SASH1: variants seen among roughly 807,000 people sequenced by gnomAD.
SASH1 encodes the protein SAM and SH3 domain containing 1, also known as SAM and SH3 domain-containing protein 1.
SASH1 carries 44 observed loss-of-function variants against 125.2 expected under a neutral mutation model. That is an observed-to-expected ratio of 0.35 (90% CI 0.28 to 0.45). The LOEUF (loss-of-function observed/expected upper bound fraction) is 0.45. Among genes scored for constraint, SASH1 ranks in the 20% least tolerant of loss-of-function variants. The probability of loss-of-function intolerance (pLI) is 1.00; values close to 1 mark genes in which losing one functional copy is unlikely to be tolerated. For synonymous variants in SASH1, 639 were observed against 649.1 expected (o/e 0.98, Z 0.24); for missense variants, 1,426 against 1,614.5 (o/e 0.88, Z 2.00).
intron 8 of SASH1, among the ~76,000 whole-genome samples, chr6:148,502,097 T>G (rs1443023019): frequency 1.3e-5 from 2 of 152,240 alleles, no homozygotes; most frequent in African/African-American, 4.8e-5. Flanking sequence ...TATCATGTAA[T>G]TATCTTCTTC....
intron 1 of SASH1, among the ~76,000 whole-genome samples, chr6:148,367,284 TG>T (rs1163920676): frequency 6.6e-6 from 1 of 152,242 alleles, no homozygotes; most frequent in Non-Finnish European, 1.5e-5. Context: ...TTTATAATTA[TG>T]CTTCCTTAAG....
At chr6:148,264,283 G>A in the SASH1 span, among the ~76,000 whole-genome samples, 40 of 151,096 alleles carry the variant, frequency 2.6e-4, no homozygotes, top group Non-Finnish European at 3.5e-4. Context: ...AGCTGGGAAT[G>A]TAGAACAACT....
At chr6:148,359,275 C>T (rs559761438) in intron 1 of SASH1, among the ~76,000 whole-genome samples, 10 of 151,422 alleles carry the variant, frequency 6.6e-5, no homozygotes, top group East Asian at 1.9e-4. Context: ...TCTCCTGCCT[C>T]GGCCTCCTGA....
At chr6:148,308,405 T>A (rs1208249851) in intron 1 of SASH1, among the ~76,000 whole-genome samples, 1 of 151,684 alleles carries the variant, frequency 6.6e-6, no homozygotes. Context: ...AGCTTTTTTT[T>A]TTTTTTTGAG....
intron 2 of SASH1, among the ~76,000 whole-genome samples, chr6:148,403,938 C>G (rs1784276263): frequency 6.6e-6 from 1 of 152,184 alleles, no homozygotes; most frequent in South Asian, 2.1e-4. Context: ...TACCTTTATT[C>G]CTAATTCCAA....
chr6:148,321,390 TAAA>T (rs10573800), intron 1 of SASH1, among the ~76,000 whole-genome samples: 30,965 of 141,754 alleles, frequency 0.22, 3,379 homozygotes, highest in East Asian at 0.35. Flanking sequence ...AACTCTGTCT[TAAA>T]AAAAAAAAAA....
intron 1 of SASH1, among the ~76,000 whole-genome samples, chr6:148,363,149 A>G (rs1172882820): frequency 1.3e-5 from 2 of 152,202 alleles, no homozygotes; most frequent in Non-Finnish European, 2.9e-5. Flanking sequence ...TGATATCCAT[A>G]AACACAGGGC....
At chr6:148,547,854 T>C (rs184269244) in intron 19 of SASH1, among the ~76,000 whole-genome samples, 2 of 152,338 alleles carry the variant, frequency 1.3e-5, no homozygotes, top group Admixed American at 1.3e-4. Flanking sequence ...AAACATGTAA[T>C]TTTCTGGTTG....
chr6:148,502,274 G>A (rs1477392271), intron 8 of SASH1, among the ~76,000 whole-genome samples: 1 of 151,730 alleles, frequency 6.6e-6, no homozygotes, highest in Non-Finnish European at 1.5e-5. Flanking sequence ...TAATTTCAGA[G>A]GGCAATGATG....
intron 2 of SASH1, among the ~76,000 whole-genome samples, chr6:148,417,137 C>T (rs1302953681): frequency 6.6e-6 from 1 of 152,112 alleles, no homozygotes; most frequent in African/African-American, 2.4e-5. Flanking sequence ...GTGCAGTTAC[C>T]AGAACAAGGC....
chr6:148,305,446 A>C (rs1246834743), intron 1 of SASH1, among the ~76,000 whole-genome samples: 1 of 152,126 alleles, frequency 6.6e-6, no homozygotes, highest in East Asian at 1.9e-4. Context: ...AATACGGTGA[A>C]ACCCCATCTC....
At chr6:148,253,742 C>G in the SASH1 span, among the ~76,000 whole-genome samples, 4 of 151,902 alleles carry the variant, frequency 2.6e-5, no homozygotes, top group South Asian at 8.3e-4. Context: ...CATGGTGGCA[C>G]GTGCCTGTAG....
intron 8 of SASH1, chr6:148,513,267 C>A: frequency 1.0e-6 from 1 of 985,356 alleles, no homozygotes; most frequent in South Asian, 4.7e-5. Context: ...GTTCCATGAA[C>A]TGGGTTGGAG....
chr6:148,244,922 GTGTGTGTGTA>G, the SASH1 span, among the ~76,000 whole-genome samples: 298 of 143,670 alleles, frequency 2.1e-3, 2 homozygotes, highest in African/African-American at 7.3e-3. Context: ...GTGTGTGTGT[GTGTGTGTGTA>G]TGTGTGTGTG....
chr6:148,513,783 GCAGA>G lies in SASH1; in HGVS notation c.730-537_730-534del, dbSNP rs1476121239. On this transcript the variant is annotated intron_variant, in intron 8 of 19. Transcript: ENST00000367467. ...AGGCGGAAGGGCTGGCTGCAATGTG[GCAGA>G]CAGTCTTAGCCAATGGGATGGAAGA... The G allele has an allele frequency of 7.1e-6, 7 of 985,920 alleles. No individual in the cohort carries two copies. The South Asian group carries it at 1.4e-4, about 20-fold the overall frequency. The allele number at this position is 985,920 out of a possible 1,614,324, so 61.1% of individuals were successfully genotyped here. A position where few individuals can be genotyped will look rare whatever the true frequency, so the allele number is the denominator to read the frequency against.
intron 2 of SASH1, among the ~76,000 whole-genome samples, chr6:148,402,007 A>G (rs1784187988): frequency 6.6e-6 from 1 of 152,024 alleles, no homozygotes; most frequent in Non-Finnish European, 1.5e-5. Context: ...TGAATTCTTC[A>G]TTGGAGTCAG....
intron 2 of SASH1, among the ~76,000 whole-genome samples, chr6:148,425,441 T>A (rs1775770952): frequency 6.6e-6 from 1 of 152,186 alleles, no homozygotes; most frequent in Non-Finnish European, 1.5e-5. Flanking sequence ...TTTTTACCTC[T>A]TAGTTTGAGT....
chr6:148,241,522 G>A, the SASH1 span, among the ~76,000 whole-genome samples: 5 of 152,170 alleles, frequency 3.3e-5, no homozygotes, highest in African/African-American at 1.2e-4. Flanking sequence ...CCCTTGAATT[G>A]TGTCTAAGAA....
intron 1 of SASH1, among the ~76,000 whole-genome samples, chr6:148,331,805 C>A (rs1477027335): frequency 6.6e-6 from 1 of 152,156 alleles, no homozygotes; most frequent in Non-Finnish European, 1.5e-5. Context: ...GATCCTCCCA[C>A]CTCAGCCTCC....
Sources: allele counts gnomAD v4.1 joint callset (sites outside exome capture counted in the v4.1 genomes callset), GRCh38; gene constraint gnomAD v4.1.1; transcripts MANE v1.5; gene names NCBI Gene and HGNC (gene_info 2026-07-23, HGNC 2026-07-21).